Variants in BCL2L11 observed in about 807,000 individuals in gnomAD.
BCL2L11 encodes the protein BCL2 like 11.
BCL2L11 carries 15 observed loss-of-function variants against 20.6 expected under a neutral mutation model. That is an observed-to-expected ratio of 0.73 (90% CI 0.49 to 1.12). BCL2L11 has a LOEUF of 1.12. BCL2L11 is among the 50% of genes most tolerant of loss of function. The probability of loss-of-function intolerance (pLI) is 0.00; values close to 1 mark genes in which losing one functional copy is unlikely to be tolerated. For synonymous variants in BCL2L11, 108 were observed against 92.8 expected (o/e 1.16, Z -0.94); for missense variants, 292 against 260.9 (o/e 1.12, Z -0.82).
At position 111,124,063 on chromosome 2, in the gene BCL2L11, A is replaced by G. The variant is rs1169611550; in HGVS notation, c.318A>G (p.Ala106=). The change falls in exon 2 of 4, where the codon GCA becomes GCG. Residue 106 remains alanine (A), a synonymous_variant. Coordinates refer to ENST00000393256, the MANE Select transcript of BCL2L11 (RefSeq NM_138621.5). ...YFSFDTDRSP[A]PMSCDKSTQT... Reference sequence around the variant, plus strand: ...CTTTTGACACAGACAGGAGCCCAGCACCCATGAGTTGTGACAAATCAACAC... The same window carrying G: ...CTTTTGACACAGACAGGAGCCCAGCGCCCATGAGTTGTGACAAATCAACAC... 4 of 1,614,140 alleles carry G rather than the reference A, an allele frequency of 2.5e-6. No homozygotes were observed. The highest frequency in any genetic ancestry group is 3.4e-6 in the Non-Finnish European group (4 of 1,180,022).
intron 3 of BCL2L11, chr2:111,153,860 G>A (rs2077516460): frequency 1.3e-6 from 2 of 1,551,190 alleles, no homozygotes; most frequent in Admixed American, 2.0e-5. Flanking sequence ...TTGAGACGGA[G>A]CTGTGGAGGC....
chr2:111,153,889 G>A, intron 3 of BCL2L11: 3 of 1,548,808 alleles, frequency 1.9e-6, no homozygotes, highest in Non-Finnish European at 2.6e-6. Flanking sequence ...TGAAGGAGGA[G>A]GTGAGAGAGG....
intron 2 of BCL2L11, among the ~76,000 whole-genome samples, chr2:111,129,051 C>G (rs1027313952): frequency 1.3e-5 from 2 of 152,184 alleles, no homozygotes; most frequent in Non-Finnish European, 1.5e-5. Context: ...GTTTGGTTGA[C>G]TTAGGAGAAT....
Position 111,164,407 on chromosome 2 carries a change from C to A in BCL2L11, c.*176C>A. The A allele has an allele frequency of 1.9e-6, 1 of 534,016 alleles. No individual in the cohort carries two copies. 33.1% of individuals were successfully genotyped at this position (534,016 alleles called of 1,614,324 possible). ...ATGGGACTACCTTTCTGTTCATCAC[C>A]ACACAGCAGAATTTCTAATGGAAGT... On this transcript the variant is annotated 3_prime_UTR_variant, in exon 4 of 4. Transcript: ENST00000393256.
intron 2 of BCL2L11, among the ~76,000 whole-genome samples, chr2:111,126,477 G>A (rs559522730): frequency 2.0e-5 from 3 of 152,248 alleles, no homozygotes; most frequent in Admixed American, 6.5e-5. Context: ...TTAATGTACC[G>A]AGGTAAGTTT....
intron 2 of BCL2L11, chr2:111,128,682 T>C: frequency 6.5e-7 from 1 of 1,550,166 alleles, no homozygotes; most frequent in Non-Finnish European, 8.7e-7. Flanking sequence ...TTATATTTAC[T>C]GGCTTAGATT....
intron 1 of BCL2L11, 176 bp from the exon 2 acceptor site, chr2:111,123,557 T>A (rs200843835): frequency 6.2e-6 from 6 of 974,420 alleles, no homozygotes; most frequent in Non-Finnish European, 4.9e-6. Context: ...CAAAAAAAAA[T>A]TACACCTTTA....
intron 2 of BCL2L11, among the ~76,000 whole-genome samples, chr2:111,137,235 C>G (rs1222574080): frequency 6.6e-6 from 1 of 152,198 alleles, no homozygotes; most frequent in Non-Finnish European, 1.5e-5. Flanking sequence ...ACCATTAAAT[C>G]TGATCATTGG....
At chr2:111,137,901 A>G (rs2075181413) in intron 2 of BCL2L11, among the ~76,000 whole-genome samples, 1 of 152,102 alleles carries the variant, frequency 6.6e-6, no homozygotes, top group South Asian at 2.1e-4. Context: ...ATATTAAAGA[A>G]GTTCATTGGC....
intron 3 of BCL2L11, among the ~76,000 whole-genome samples, chr2:111,155,862 A>G (rs1416779415): frequency 1.3e-5 from 2 of 152,252 alleles, no homozygotes; most frequent in African/African-American, 4.8e-5. Context: ...GCAGACAGGA[A>G]TTGATTGAAG....
intron 3 of BCL2L11, among the ~76,000 whole-genome samples, chr2:111,158,425 G>T (rs2078151125): frequency 6.6e-6 from 1 of 152,072 alleles, no homozygotes; most frequent in Non-Finnish European, 1.5e-5. Flanking sequence ...AGCCTGTGGG[G>T]ATCAGACACC....
intron 2 of BCL2L11, among the ~76,000 whole-genome samples, chr2:111,137,313 C>T (rs1238597884): frequency 6.6e-6 from 1 of 152,204 alleles, no homozygotes; most frequent in Non-Finnish European, 1.5e-5. Flanking sequence ...GAACCACCAC[C>T]TCTCCCTGCC....
At chr2:111,159,491 C>T (rs1391126673) in intron 3 of BCL2L11, among the ~76,000 whole-genome samples, 1 of 152,176 alleles carries the variant, frequency 6.6e-6, no homozygotes. Flanking sequence ...TTCAAAGGTT[C>T]GACTCCTCTC....
At chr2:111,153,842 GGAAGCGTTT>G in intron 3 of BCL2L11, 8 of 1,551,678 alleles carry the variant, frequency 5.2e-6, no homozygotes, top group African/African-American at 1.4e-5. Context: ...AGGGCAGTGG[GGAAGCGTTT>G]GAGACGGAGC....
chr2:111,144,257 T>C (rs55638911), intron 2 of BCL2L11, among the ~76,000 whole-genome samples: 3,955 of 152,310 alleles, frequency 0.026, 161 homozygotes, highest in African/African-American at 0.089. Flanking sequence ...AATGCTGTCA[T>C]CGTATTTCTC....
rs12996100 is a variant in BCL2L11, at chr2:111,164,318, T to A, written c.*87T>A. 1 of 980,986 alleles carries A rather than the reference T, an allele frequency of 1.0e-6. No individual in the cohort carries two copies. Among genetic ancestry groups the A allele is most frequent in the African/African-American group, 1.6e-5 (1 of 62,426 alleles). 60.8% of individuals were successfully genotyped at this position (980,986 alleles called of 1,614,324 possible). A position where few individuals can be genotyped will look rare whatever the true frequency, so the allele number is the denominator to read the frequency against. On this transcript the variant is annotated 3_prime_UTR_variant, in exon 4 of 4. Coordinates refer to ENST00000393256, the MANE Select transcript of BCL2L11 (RefSeq NM_138621.5). Reference sequence around the variant, plus strand: ...CAGCACCGCGGTCTCCTGGTGCCATTATTATGCAGCCAGCGGTTCTCTTGT... The same window carrying A: ...CAGCACCGCGGTCTCCTGGTGCCATAATTATGCAGCCAGCGGTTCTCTTGT...
intron 1 of BCL2L11, chr2:111,122,964 G>A (rs961018259): frequency 1.0e-6 from 1 of 985,302 alleles, no homozygotes; most frequent in African/African-American, 1.7e-5. Context: ...GAGGGTCTGT[G>A]GGATGAAGGC....
chr2:111,127,411 A>G (rs2150257971), intron 2 of BCL2L11, among the ~76,000 whole-genome samples: 1 of 150,318 alleles, frequency 6.7e-6, no homozygotes, highest in African/African-American at 2.5e-5. Flanking sequence ...ATGGGAGTTA[A>G]TGGCTTTCTT....
intron 3 of BCL2L11, among the ~76,000 whole-genome samples, chr2:111,160,929 C>A (rs1486142190): frequency 6.6e-6 from 1 of 152,166 alleles, no homozygotes; most frequent in Non-Finnish European, 1.5e-5. Flanking sequence ...GTGCAGAGTT[C>A]CAGAGACTGG....
Sources: gnomAD v4.1 joint callset for allele counts (sites outside exome capture counted in the v4.1 genomes callset) on GRCh38, gnomAD v4.1.1 for gene constraint, MANE v1.5 for transcripts, NCBI Gene and HGNC (gene_info 2026-07-23, HGNC 2026-07-21) for gene names.